FGF14: variants seen among roughly 807,000 people sequenced by gnomAD.
FGF14 encodes fibroblast growth factor 14, also known as fibroblast growth factor homologous factor 4.
A neutral mutation model predicts 25.5 loss-of-function variants in FGF14; 5 were observed. The observed-to-expected ratio is 0.20, with a 90% CI of 0.10 to 0.41. The LOEUF is 0.41. Ranked by LOEUF, FGF14 falls within the 10% of genes least tolerant of loss-of-function variation. FGF14 has a pLI of 1.00. For synonymous variants in FGF14, 138 were observed against 118.3 expected, an observed-to-expected ratio of 1.17 and a Z score of -1.08; for missense variants, 222 against 320.1, an observed-to-expected ratio of 0.69 and a Z score of 2.34.
chr13:101,916,775 G>C lies in FGF14; in HGVS notation c.-130C>G, dbSNP rs1202273620. The C allele has an allele frequency of 2.6e-6, 2 of 772,002 alleles. No homozygotes were observed. The highest frequency in any genetic ancestry group is 4.0e-6 in the Non-Finnish European group (2 of 500,870). The allele number at this position is 772,002 out of a possible 1,614,324, so 47.8% of individuals were successfully genotyped here. A position where few individuals can be genotyped will look rare whatever the true frequency, so the allele number is the denominator to read the frequency against. On this transcript the variant is annotated 5_prime_UTR_variant, in exon 1 of 5. Transcript: ENST00000376143. ...AGAGGAGGGGGTGCCAGGCGGGACT[G>C]GGGAGAGGGGAAGGGGGGCTCAGTC...
At chr13:102,276,456 A>G (rs1013264425) in intron 1 of FGF14, among the ~76,000 whole-genome samples, 4 of 151,108 alleles carry the variant, frequency 2.6e-5, no homozygotes, top group Non-Finnish European at 5.9e-5. Flanking sequence ...AACTACTGAC[A>G]TATTTAGAGT....
intron 1 of FGF14, among the ~76,000 whole-genome samples, chr13:102,174,432 C>T (rs2048365305): frequency 6.6e-6 from 1 of 151,802 alleles, no homozygotes; most frequent in African/African-American, 2.4e-5. Context: ...TCCCAAAGTG[C>T]TGGGATTACA....
intron 1 of FGF14, among the ~76,000 whole-genome samples, chr13:102,353,631 T>C (rs1298116951): frequency 6.6e-6 from 1 of 152,180 alleles, no homozygotes; most frequent in Non-Finnish European, 1.5e-5. Flanking sequence ...ACACTCTGCC[T>C]TCTTGCAAAG....
chr13:102,283,676 A>G lies in FGF14; in HGVS notation c.208+117795T>C, dbSNP rs1285750072. The stretch of plus-strand genomic sequence containing the variant: ...AACAATTTCTCTGAACCTACTGTCC[A>G]CTGTAACCATACTTCATTGAAAAAA... On this transcript the variant is annotated intron_variant, in intron 1 of 4. Coordinates refer to the FGF14 transcript ENST00000376131. 6.6e-5 allele frequency among the ~76,000 whole-genome samples: 10 copies of G among 152,318 alleles called. No individual in the cohort carries two copies. In the East Asian group the frequency reaches 1.9e-3, roughly 29 times the overall value.
At chr13:101,855,506 C>T (rs2044079458) in intron 3 of FGF14, among the ~76,000 whole-genome samples, 1 of 151,852 alleles carries the variant, frequency 6.6e-6, no homozygotes, top group African/African-American at 2.4e-5. Flanking sequence ...GACCCCTGGG[C>T]CAGTCTCTTT....
intron 1 of FGF14, among the ~76,000 whole-genome samples, chr13:102,103,718 T>C (rs543813898): frequency 1.5e-4 from 23 of 152,288 alleles, no homozygotes; most frequent in African/African-American, 5.5e-4. Flanking sequence ...TAGCACTGTT[T>C]TAGAGGTCCT....
At chr13:102,005,225 A>G (rs1385691848) in intron 1 of FGF14, among the ~76,000 whole-genome samples, 1 of 152,238 alleles carries the variant, frequency 6.6e-6, no homozygotes, top group Non-Finnish European at 1.5e-5. Context: ...CTTTTTAGTT[A>G]TCATATCCAT....
intron 1 of FGF14, among the ~76,000 whole-genome samples, chr13:102,357,684 T>C (rs2057457179): frequency 2.6e-5 from 4 of 152,184 alleles, no homozygotes; most frequent in Admixed American, 6.5e-5. Flanking sequence ...TGAGTTAGTA[T>C]AGATGAAGTG....
intron 1 of FGF14, among the ~76,000 whole-genome samples, chr13:102,387,023 C>T (rs139599490): frequency 6.6e-4 from 100 of 152,316 alleles, no homozygotes; most frequent in African/African-American, 2.3e-3. Flanking sequence ...CCTTCCCCTT[C>T]TTGTATGAAT....
chr13:102,299,010 G>A (rs1486681327), intron 1 of FGF14, among the ~76,000 whole-genome samples: 4 of 152,104 alleles, frequency 2.6e-5, no homozygotes, highest in African/African-American at 9.7e-5. Flanking sequence ...CTGAGAGCAA[G>A]ATCACTAAGA....
chr13:101,745,535 C>T (rs1220913604), intron 3 of FGF14, among the ~76,000 whole-genome samples: 1 of 152,044 alleles, frequency 6.6e-6, no homozygotes, highest in East Asian at 1.9e-4. Flanking sequence ...AATTTAATCC[C>T]TGGTAATCAG....
At chr13:101,882,428 C>T (rs549541403) in intron 1 of FGF14, among the ~76,000 whole-genome samples, 6 of 152,216 alleles carry the variant, frequency 3.9e-5, no homozygotes, top group African/African-American at 1.4e-4. Flanking sequence ...AGTTATATTG[C>T]ATCAGGATAT....
chr13:101,867,934 A>ATG (rs2044814121), intron 3 of FGF14, among the ~76,000 whole-genome samples: 1 of 133,810 alleles, frequency 7.5e-6, no homozygotes, highest in Non-Finnish European at 1.6e-5. Context: ...ACACACACAC[A>ATG]CGCGCACACA....
intron 3 of FGF14, among the ~76,000 whole-genome samples, chr13:101,794,520 A>G (rs1375626887): frequency 6.6e-6 from 1 of 151,992 alleles, no homozygotes. Flanking sequence ...ACGAACTAAT[A>G]TCACAGACAG....
intron 3 of FGF14, among the ~76,000 whole-genome samples, chr13:101,759,730 A>T (rs1285086867): frequency 6.6e-6 from 1 of 152,170 alleles, no homozygotes; most frequent in African/African-American, 2.4e-5. Context: ...AATGTTCTCT[A>T]TGGCACTTCT....
At chr13:101,808,404 T>A (rs2041319959) in intron 3 of FGF14, among the ~76,000 whole-genome samples, 1 of 152,090 alleles carries the variant, frequency 6.6e-6, no homozygotes, top group African/African-American at 2.4e-5. Flanking sequence ...GAAATGTGCA[T>A]TAATTAATTT....
intron 1 of FGF14, among the ~76,000 whole-genome samples, chr13:102,241,566 C>T (rs2051602276): frequency 6.6e-6 from 1 of 152,098 alleles, no homozygotes; most frequent in South Asian, 2.1e-4. Context: ...CAGAATCCTC[C>T]TGGAGTTATG....
intron 1 of FGF14, among the ~76,000 whole-genome samples, chr13:101,903,647 T>G (rs2031862710): frequency 6.6e-6 from 1 of 152,158 alleles, no homozygotes; most frequent in Non-Finnish European, 1.5e-5. Context: ...GGGAGGGCTG[T>G]GTGCCACAAA....
intron 1 of FGF14, among the ~76,000 whole-genome samples, chr13:102,361,288 A>G (rs2057557697): frequency 6.6e-6 from 1 of 152,212 alleles, no homozygotes. Context: ...AGGTGAGCCA[A>G]GAACAGGCAG....
Sources: gnomAD v4.1 joint callset for allele counts (sites outside exome capture counted in the v4.1 genomes callset) on GRCh38, gnomAD v4.1.1 for gene constraint, MANE v1.5 for transcripts, NCBI Gene and HGNC (gene_info 2026-07-23, HGNC 2026-07-21) for gene names.